The following MOXD1 variants were observed in gnomAD, a reference collection of about 807,000 sequenced individuals.
MOXD1 encodes the protein DBH-like monooxygenase protein 1.
In MOXD1, 62 loss-of-function variants were observed where a neutral mutation model predicts 66.6. That is an observed-to-expected ratio of 0.93 (90% CI 0.76 to 1.15). MOXD1 has a LOEUF of 1.15. Ranked by LOEUF, MOXD1 falls within the 50% of genes most tolerant of loss-of-function variation. The pLI, the probability that MOXD1 is intolerant of heterozygous loss-of-function variation, is 0.00. For synonymous variants in MOXD1, 303 were observed against 281.9 expected (o/e 1.07, Z -0.75); for missense variants, 847 against 754.6 (o/e 1.12, Z -1.44).
At chr6:132,299,902 C>T (rs756044826) in intron 10 of MOXD1, among the ~76,000 whole-genome samples, 3 of 151,880 alleles carry the variant, frequency 2.0e-5, no homozygotes, top group Non-Finnish European at 4.4e-5. Context: ...CTCTCTCTCT[C>T]TCTCTCTCTC....
At chr6:132,349,341 T>C (rs943123665) in intron 4 of MOXD1, among the ~76,000 whole-genome samples, 2 of 144,824 alleles carry the variant, frequency 1.4e-5, no homozygotes, top group African/African-American at 5.1e-5. Flanking sequence ...TAGTATTCCA[T>C]CATATATATA....
chr6:132,334,185 C>T lies in MOXD1; in HGVS notation c.664-5591G>A, dbSNP rs1342918917. ...TTATTGAATTGAAATAAAATGAATACTACCCTTTCCATGAAGCCAACATCA... is the reference window on the plus strand; with the variant it reads ...TTATTGAATTGAAATAAAATGAATATTACCCTTTCCATGAAGCCAACATCA... On this transcript the variant is annotated intron_variant, in intron 4 of 11. Transcript: ENST00000367963. 9.2e-5 allele frequency among the ~76,000 whole-genome samples: 14 copies of T among 152,280 alleles called. No individual in the cohort carries two copies. The East Asian group carries it at 2.7e-3, about 29-fold the overall frequency.
At chr6:132,303,835 G>GTGTATA (rs1228249888) in intron 10 of MOXD1, among the ~76,000 whole-genome samples, 18 of 47,556 alleles carry the variant, frequency 3.8e-4, no homozygotes, top group Non-Finnish European at 7.0e-4. Flanking sequence ...GTGTGTGTGT[G>GTGTATA]TATATATATA....
chr6:132,333,004 C>T (rs7740843), intron 4 of MOXD1, among the ~76,000 whole-genome samples: 65,187 of 151,920 alleles, frequency 0.43, 19,097 homozygotes, highest in African/African-American at 0.82. Flanking sequence ...TATTATATTA[C>T]TTGTAATGAT....
At chr6:132,398,585 C>T (rs1001187102) in intron 1 of MOXD1, among the ~76,000 whole-genome samples, 5 of 152,000 alleles carry the variant, frequency 3.3e-5, no homozygotes, top group Non-Finnish European at 7.4e-5. Flanking sequence ...TTGTTCTCGC[C>T]GGGAGCAAAA....
chr6:132,367,778 A>C (rs1776176625), intron 4 of MOXD1, among the ~76,000 whole-genome samples: 1 of 152,134 alleles, frequency 6.6e-6, no homozygotes, highest in Non-Finnish European at 1.5e-5. Context: ...ATTTCCATTT[A>C]AATGAAAATA....
At chr6:132,317,510 T>C (rs1774985165) in intron 9 of MOXD1, among the ~76,000 whole-genome samples, 1 of 151,980 alleles carries the variant, frequency 6.6e-6, no homozygotes, top group Non-Finnish European at 1.5e-5. Context: ...CTGTAGGGAG[T>C]AAAATTTTAA....
chr6:132,392,007 C>A, intron 1 of MOXD1: 1 of 611,614 alleles, frequency 1.6e-6, no homozygotes, highest in Non-Finnish European at 2.7e-6. Context: ...GGGGCATAAT[C>A]TGAAGACTTA....
intron 10 of MOXD1, among the ~76,000 whole-genome samples, chr6:132,305,483 C>T (rs1031973459): frequency 3.9e-5 from 6 of 152,216 alleles, no homozygotes; most frequent in African/African-American, 1.4e-4. Context: ...GGGTTTTCTC[C>T]CAACAAGGCA....
At chr6:132,324,836 T>G (rs184446260) in intron 6 of MOXD1, among the ~76,000 whole-genome samples, 6 of 152,226 alleles carry the variant, frequency 3.9e-5, no homozygotes, top group Non-Finnish European at 7.4e-5. Flanking sequence ...TTCCCCTCAG[T>G]TTCCTTTCTT....
At chr6:132,378,421 T>C (rs748312243) in intron 1 of MOXD1, among the ~76,000 whole-genome samples, 2 of 152,142 alleles carry the variant, frequency 1.3e-5, no homozygotes, top group Non-Finnish European at 2.9e-5. Context: ...ATTTCAGTTA[T>C]GATGCATGAG....
At chr6:132,309,725 C>CA (rs1426914614) in intron 10 of MOXD1, among the ~76,000 whole-genome samples, 3 of 151,978 alleles carry the variant, frequency 2.0e-5, no homozygotes, top group African/African-American at 7.2e-5. Flanking sequence ...CAACCATTAA[C>CA]AAACTTGACA....
intron 6 of MOXD1, among the ~76,000 whole-genome samples, chr6:132,325,656 T>C (rs1775170996): frequency 6.6e-6 from 1 of 152,242 alleles, no homozygotes; most frequent in Non-Finnish European, 1.5e-5. Context: ...TATTCTCTTA[T>C]AGCAGCACAG....
chr6:132,301,024 C>A (rs1774523526), intron 10 of MOXD1, among the ~76,000 whole-genome samples: 1 of 151,884 alleles, frequency 6.6e-6, no homozygotes, highest in Non-Finnish European at 1.5e-5. Flanking sequence ...TACTTTTTTT[C>A]AAAAAGACTA....
intron 5 of MOXD1, 143 bp from the exon 6 acceptor site, chr6:132,328,258 C>T (rs868402008): frequency 1.2e-5 from 15 of 1,207,032 alleles, no homozygotes; most frequent in African/African-American, 6.2e-5. Context: ...ATAAAAATGA[C>T]TTAAAGAAAG....
chr6:132,376,762 C>T lies in MOXD1; in HGVS notation c.265-1985G>A, dbSNP rs1776388269. On this transcript the variant is annotated intron_variant, in intron 1 of 11. Transcript: ENST00000367963. Reference sequence around the variant, plus strand: ...TCTCCTGACCTCGTGATCCGCCCGCCTCGGCCTCCCAAAGTGCTGGGATTA... The same window carrying T: ...TCTCCTGACCTCGTGATCCGCCCGCTTCGGCCTCCCAAAGTGCTGGGATTA... 6.6e-5 allele frequency among the ~76,000 whole-genome samples: 4 copies of T among 60,788 alleles called. No individual in the cohort carries two copies. In the South Asian group the frequency reaches 2.1e-3, roughly 32 times the overall value. The allele number at this position is 60,788 out of a possible 152,430, so 39.9% of individuals were successfully genotyped here.
chr6:132,369,285 C>T (rs767745558), intron 4 of MOXD1, among the ~76,000 whole-genome samples: 4 of 152,038 alleles, frequency 2.6e-5, no homozygotes, highest in East Asian at 3.9e-4. Context: ...AATCGGAAAA[C>T]GTTTCTGTTC....
intron 10 of MOXD1, among the ~76,000 whole-genome samples, chr6:132,313,939 A>AACAAAC (rs1774885740): frequency 6.6e-6 from 1 of 151,956 alleles, no homozygotes; most frequent in Admixed American, 6.6e-5. Flanking sequence ...CAAAAACAAA[A>AACAAAC]ACAAAACCTC....
intron 4 of MOXD1, among the ~76,000 whole-genome samples, chr6:132,343,658 A>G (rs575908902): frequency 2.0e-4 from 31 of 152,336 alleles, no homozygotes; most frequent in Non-Finnish European, 4.1e-4. Flanking sequence ...AATTCAATAT[A>G]CTGAAATGAA....
Sources: gnomAD v4.1 joint callset for allele counts (sites outside exome capture counted in the v4.1 genomes callset) on GRCh38, gnomAD v4.1.1 for gene constraint, MANE v1.5 for transcripts, NCBI Gene and HGNC (gene_info 2026-07-23, HGNC 2026-07-21) for gene names.